The following GALNT14 variants were observed in gnomAD, a reference collection of about 807,000 sequenced individuals.
The protein encoded by GALNT14 is polypeptide N-acetylgalactosaminyltransferase 14.
Under a neutral mutation model 77.5 loss-of-function variants are expected in GALNT14, and 60 were observed. The observed-to-expected ratio is 0.77, with a 90% CI of 0.63 to 0.96. The LOEUF (loss-of-function observed/expected upper bound fraction) is 0.96. Among genes scored for constraint, GALNT14 ranks in the 40% least tolerant of loss-of-function variants. The pLI is 0.00. For synonymous variants in GALNT14, 280 were observed against 281.7 expected, an observed-to-expected ratio of 0.99 and a Z score of 0.06; for missense variants, 710 against 731.0, an observed-to-expected ratio of 0.97 and a Z score of 0.33.
intron 1 of GALNT14, among the ~76,000 whole-genome samples, chr2:31,041,366 G>A (rs902162324): frequency 6.6e-6 from 1 of 152,166 alleles, no homozygotes; most frequent in Non-Finnish European, 1.5e-5. Flanking sequence ...GACAGAGAAG[G>A]CTCTAAAGAA....
At chr2:30,911,096 C>T (rs1209756942) in intron 14 of GALNT14, 37 bp from the exon 15 acceptor site, 7 of 1,596,546 alleles carry the variant, frequency 4.4e-6, no homozygotes, top group South Asian at 3.3e-5. Context: ...GAACTAGGTG[C>T]CATCAGTAAC....
chr2:30,989,985 G>T (rs1385555091), intron 2 of GALNT14, among the ~76,000 whole-genome samples: 1 of 152,010 alleles, frequency 6.6e-6, no homozygotes, highest in Non-Finnish European at 1.5e-5. Context: ...TGGTGATGGG[G>T]TTGATAAAGC....
At chr2:30,994,607 G>A (rs1040277453) in intron 1 of GALNT14, among the ~76,000 whole-genome samples, 4 of 152,094 alleles carry the variant, frequency 2.6e-5, no homozygotes, top group South Asian at 4.2e-4. Context: ...AGAGGAAATC[G>A]GTGGGGGTGA....
intron 2 of GALNT14, among the ~76,000 whole-genome samples, chr2:30,983,399 A>C (rs1669105110): frequency 6.6e-6 from 1 of 152,190 alleles, no homozygotes; most frequent in African/African-American, 2.4e-5. Flanking sequence ...CCTGGCAAAT[A>C]TTTAATCCAA....
chr2:31,122,722 A>G (rs972867387), intron 1 of GALNT14, among the ~76,000 whole-genome samples: 14 of 151,956 alleles, frequency 9.2e-5, no homozygotes, highest in African/African-American at 3.4e-4. Flanking sequence ...TTCTATAAAC[A>G]TTTTCTATAA....
chr2:31,057,374 G>A (rs62142961), intron 1 of GALNT14, among the ~76,000 whole-genome samples: 623 of 25,472 alleles, frequency 0.024, 11 homozygotes, highest in South Asian at 0.23. Flanking sequence ...GTGTGTGTGT[G>A]TATATATATA....
intron 1 of GALNT14, among the ~76,000 whole-genome samples, chr2:31,077,520 A>G (rs530341863): frequency 1.2e-4 from 19 of 152,310 alleles, no homozygotes; most frequent in Non-Finnish European, 2.2e-4. Context: ...CTGCTGCTAC[A>G]AACCTCCAAA....
chr2:30,908,168 T>A (rs1664194165), downstream of GALNT14, among the ~76,000 whole-genome samples: 1 of 146,034 alleles, frequency 6.8e-6, no homozygotes, highest in Non-Finnish European at 1.5e-5. Context: ...GGATGCCCTC[T>A]CTCACCACTC....
Position 31,117,298 on chromosome 2 carries a change from TATAA to T in GALNT14, c.129+20656_129+20659del, listed in dbSNP as rs1291427763. On this transcript the variant is annotated intron_variant, in intron 1 of 14. Coordinates refer to ENST00000349752, the MANE Select transcript of GALNT14 (RefSeq NM_024572.4). ...ACAAATAGAAAATCAAAATTAAAAA[TATAA>T]ATAGTCTAGTAAGAACTGAAGAGGA... Among the ~76,000 whole-genome samples, 6 of 152,204 alleles carry T rather than the reference TATAA, an allele frequency of 3.9e-5. No homozygotes were observed. The East Asian group carries it at 5.8e-4, about 15-fold the overall frequency.
chr2:30,945,672 G>A, intron 7 of GALNT14, 111 bp downstream of exon 7: 1 of 849,890 alleles, frequency 1.2e-6, no homozygotes, highest in Non-Finnish European at 1.9e-6. Flanking sequence ...GTTGCAGGCT[G>A]AGCTTTCTCG....
At chr2:31,062,060 TTTTAC>T (rs1432539779) in intron 1 of GALNT14, among the ~76,000 whole-genome samples, 10 of 152,246 alleles carry the variant, frequency 6.6e-5, no homozygotes, top group Non-Finnish European at 8.8e-5. Context: ...ATTTTTTTTA[TTTTAC>T]TTTAAGTTCT....
downstream of GALNT14, among the ~76,000 whole-genome samples, chr2:30,907,612 C>G (rs1272224304): frequency 9.9e-5 from 15 of 151,948 alleles, no homozygotes; most frequent in African/African-American, 3.6e-4. Flanking sequence ...TGGATTCACA[C>G]CTGAATTCTA....
chr2:30,987,012 A>T (rs1171000873), intron 2 of GALNT14: 1 of 152,224 alleles, frequency 6.6e-6, no homozygotes, highest in East Asian at 1.9e-4. Flanking sequence ...TTCATCTATA[A>T]TTGTGTGGAG....
chr2:30,949,479 G>C (rs1374167093), intron 6 of GALNT14, among the ~76,000 whole-genome samples: 1 of 152,138 alleles, frequency 6.6e-6, no homozygotes, highest in Non-Finnish European at 1.5e-5. Context: ...CAAGCAGGCA[G>C]CTGGTGGAAC....
chr2:30,991,372 C>CTGCTCAGGGAAATACAATAACCTAATATT (rs1558472903), intron 2 of GALNT14: 1 of 152,084 alleles, frequency 6.6e-6, no homozygotes, highest in African/African-American at 2.4e-5. Flanking sequence ...TCTGCAGTTT[C>CTGCTCAGGGAAATACAATAACCTAATATT]TGCTCGGGGA....
chr2:30,965,037 G>A (rs1667916290), intron 3 of GALNT14, among the ~76,000 whole-genome samples: 1 of 152,134 alleles, frequency 6.6e-6, no homozygotes, highest in South Asian at 2.1e-4. Flanking sequence ...GACAGGAAGG[G>A]TCTAATGAGC....
Position 30,955,598 on chromosome 2 carries a change from T to C in GALNT14, c.654+20A>G, listed in dbSNP as rs772700119. ...AAAGCTGGGGCACGAGGCCCGGCCCTGCTCCTCAGCCTCACTCACCTCTTT... is the reference window on the plus strand; with the variant it reads ...AAAGCTGGGGCACGAGGCCCGGCCCCGCTCCTCAGCCTCACTCACCTCTTT... On this transcript the variant is annotated intron_variant, in intron 6 of 14. Coordinates refer to ENST00000349752, the MANE Select transcript of GALNT14 (RefSeq NM_024572.4). 2.5e-6 allele frequency: 4 copies of C among 1,612,130 alleles called. No homozygotes were observed. In the African/African-American group the frequency reaches 4.0e-5, roughly 16 times the overall value.
chr2:31,101,163 T>C (rs11124240), intron 1 of GALNT14, among the ~76,000 whole-genome samples: 90,109 of 151,786 alleles, frequency 0.59, 27,882 homozygotes, highest in African/African-American at 0.76. Flanking sequence ...TTCTCAAAGC[T>C]CTTTTCAGTA....
intron 1 of GALNT14, among the ~76,000 whole-genome samples, chr2:30,997,593 C>T (rs1156810743): frequency 2.0e-5 from 3 of 152,322 alleles, no homozygotes; most frequent in Admixed American, 6.5e-5. Flanking sequence ...AGCAAGCCCC[C>T]GCTTCACTTT....
Sources: allele counts gnomAD v4.1 joint callset (sites outside exome capture counted in the v4.1 genomes callset), GRCh38; gene constraint gnomAD v4.1.1; transcripts MANE v1.5; gene names NCBI Gene and HGNC (gene_info 2026-07-23, HGNC 2026-07-21).